RFTN1: variants seen among roughly 807,000 people sequenced by gnomAD.
The protein encoded by RFTN1 is raftlin.
In RFTN1, 26 loss-of-function variants were observed where a neutral mutation model predicts 46.5. That is an observed-to-expected ratio of 0.56 (90% CI 0.41 to 0.78). The LOEUF (loss-of-function observed/expected upper bound fraction) is 0.78. RFTN1 is among the 30% of genes least tolerant of loss of function. The probability of loss-of-function intolerance (pLI) is 0.00; values close to 1 mark genes in which losing one functional copy is unlikely to be tolerated. For missense variants in RFTN1, 693 were observed against 718.7 expected, an observed-to-expected ratio of 0.96 and a Z score of 0.41; for synonymous variants, 261 against 284.2, an observed-to-expected ratio of 0.92 and a Z score of 0.82.
Position 16,424,614 on chromosome 3 carries a change from A to G in RFTN1, c.332+9237T>C. On this transcript the variant is annotated intron_variant, in intron 3 of 9. Coordinates refer to ENST00000334133, the MANE Select transcript of RFTN1 (RefSeq NM_015150.2). The surrounding 1 kb of genome is among the most constrained non-coding windows in gnomAD (Gnocchi z 4.7). Reference sequence around the variant, plus strand: ...TAAGTTCCAACTCATGGTCGATGATAGGAAGTGAATGAAATGATGTATTCA... The same window carrying G: ...TAAGTTCCAACTCATGGTCGATGATGGGAAGTGAATGAAATGATGTATTCA... 6.6e-6 allele frequency among the ~76,000 whole-genome samples: 1 copy of G among 152,222 alleles called. No homozygotes were observed. Among genetic ancestry groups the G allele is most frequent in the Non-Finnish European group, 1.5e-5 (1 of 68,030 alleles).
chr3:16,446,731 C>T lies in RFTN1; in HGVS notation c.146-12694G>A, dbSNP rs192797662. ...ACTCCAAACAGCAGAAAATGGAAAA[C>T]AAGAGATTTCCCAAAAAGTGCGGTA... On this transcript the variant is annotated intron_variant, in intron 2 of 9. Coordinates refer to ENST00000334133, the MANE Select transcript of RFTN1 (RefSeq NM_015150.2). The surrounding 1 kb of genome is among the most constrained non-coding windows in gnomAD (Gnocchi z 4.5). Among the ~76,000 whole-genome samples, 1 of 152,226 alleles carries T rather than the reference C, an allele frequency of 6.6e-6. No homozygotes were observed. The highest frequency in any genetic ancestry group is 1.5e-5 in the Non-Finnish European group (1 of 68,012).
Position 16,400,849 on chromosome 3 carries a change from A to AT in RFTN1, c.441+8525dup, listed in dbSNP as rs2074583383. 6.6e-6 allele frequency among the ~76,000 whole-genome samples: 1 copy of AT among 151,846 alleles called. No individual in the cohort carries two copies. Among genetic ancestry groups the AT allele is most frequent in the African/African-American group, 2.4e-5 (1 of 41,326 alleles). On this transcript the variant is annotated intron_variant, in intron 4 of 9. Transcript: ENST00000334133. This position sits in a 1 kb window ranked among gnomAD's most constrained non-coding sequence, Gnocchi z 4.5. ...GCGGCCTCCAGGCAGTAGCTCCTGC[A>AT]TTTTTTCCTCCATTAGGAACATCTA...
At chr3:16,339,308 C>T (rs2071148591) in intron 7 of RFTN1, 1 of 152,264 alleles carries the variant, frequency 6.6e-6, no homozygotes, top group African/African-American at 2.4e-5. Flanking sequence ...TTATGCTCTG[C>T]TCTTATTTAA....
chr3:16,496,458 T>C (rs996684720), intron 1 of RFTN1, among the ~76,000 whole-genome samples: 5 of 152,018 alleles, frequency 3.3e-5, no homozygotes, highest in Non-Finnish European at 4.4e-5. Flanking sequence ...GATATGCAAA[T>C]GGCCAAGGAA....
intron 7 of RFTN1, among the ~76,000 whole-genome samples, chr3:16,343,945 G>C (rs1397673871): frequency 6.6e-6 from 1 of 152,140 alleles, no homozygotes; most frequent in South Asian, 2.1e-4. Flanking sequence ...TGGAAATGAC[G>C]AGCAACTGCC....
chr3:16,476,567 G>C (rs993298235), intron 2 of RFTN1, among the ~76,000 whole-genome samples: 1 of 152,200 alleles, frequency 6.6e-6, no homozygotes, highest in African/African-American at 2.4e-5. Context: ...TCTCTGAAAA[G>C]CTAGCATTTA....
chr3:16,392,927 A>C (rs995526481), intron 4 of RFTN1, among the ~76,000 whole-genome samples: 5 of 152,204 alleles, frequency 3.3e-5, no homozygotes, highest in Admixed American at 3.3e-4. Flanking sequence ...TCTTCATTGC[A>C]TCACTGTTCA....
intron 1 of RFTN1, among the ~76,000 whole-genome samples, chr3:16,510,311 C>CG (rs765385951): frequency 6.6e-6 from 1 of 152,188 alleles, no homozygotes; most frequent in Non-Finnish European, 1.5e-5. Context: ...AGAAATCCCC[C>CG]GGGAGTTTCT....
At position 16,413,495 on chromosome 3, in the gene RFTN1, T is replaced by C. The variant is rs537407700; in HGVS notation, c.333-4012A>G. Among the ~76,000 whole-genome samples, 11 of 152,344 alleles carry C rather than the reference T, an allele frequency of 7.2e-5. No homozygotes were observed. The highest frequency in any genetic ancestry group is 2.2e-4 in the African/African-American group (9 of 41,584). On this transcript the variant is annotated intron_variant, in intron 3 of 9. Transcript: ENST00000334133. This position sits in a 1 kb window ranked among gnomAD's most constrained non-coding sequence, Gnocchi z 4.7. ...CAGGTATGCTCCCCAAAGGGCCATG[T>C]CATTGTATCATCCTGGAAAAGAATA...
At chr3:16,367,683 C>T (rs1054223580) in intron 6 of RFTN1, among the ~76,000 whole-genome samples, 1 of 152,172 alleles carries the variant, frequency 6.6e-6, no homozygotes, top group Non-Finnish European at 1.5e-5. Context: ...TTCAAACACT[C>T]AAGTCAAATC....
Position 16,465,385 on chromosome 3 carries a change from A to G in RFTN1, c.145+28340T>C, listed in dbSNP as rs529002432. Among the ~76,000 whole-genome samples, 234 of 151,794 alleles carry G rather than the reference A, an allele frequency of 1.5e-3. 2 individuals are homozygous for G. Among genetic ancestry groups the G allele is most frequent in the African/African-American group, 5.4e-3 (225 of 41,338 alleles). On this transcript the variant is annotated intron_variant, in intron 2 of 9. Transcript: ENST00000334133. This position sits in a 1 kb window ranked among gnomAD's most constrained non-coding sequence, Gnocchi z 5.1. ...AAGGCAATTCTCTGAGCACAGGAAA[A>G]AAATATCCCCAACAGAGGTTGGCAG...
Position 16,473,902 on chromosome 3 carries a change from T to C in RFTN1, c.145+19823A>G, listed in dbSNP as rs2124954649. Reference sequence around the variant, plus strand: ...TGTGAACACTGACTTCTCTGACCAATGCCTGTGGTCCTGGTGACCTGGGCT... The same window carrying C: ...TGTGAACACTGACTTCTCTGACCAACGCCTGTGGTCCTGGTGACCTGGGCT... On this transcript the variant is annotated intron_variant, in intron 2 of 9. Transcript: ENST00000334133. This position sits in a 1 kb window ranked among gnomAD's most constrained non-coding sequence, Gnocchi z 5.3. Among the ~76,000 whole-genome samples, 1 of 152,334 alleles carries C rather than the reference T, an allele frequency of 6.6e-6. No homozygotes were observed. The highest frequency in any genetic ancestry group is 1.9e-4 in the East Asian group (1 of 5,188).
At position 16,345,814 on chromosome 3, in the gene RFTN1, G is replaced by T. The variant is rs1575075370; in HGVS notation, c.1146+12118C>A. The stretch of plus-strand genomic sequence containing the variant: ...TGTGTGTGTGTGTGTGTGTGTGTGT[G>T]TGTGCGCGCGCGCGTGCGCGCACGC... On this transcript the variant is annotated intron_variant, in intron 7 of 9. Transcript: ENST00000334133. This position sits in a 1 kb window ranked among gnomAD's most constrained non-coding sequence, Gnocchi z 5.2. 1.2e-5 allele frequency among the ~76,000 whole-genome samples: 1 copy of T among 86,126 alleles called. No individual in the cohort carries two copies. Among genetic ancestry groups the T allele is most frequent in the African/African-American group, 7.3e-5 (1 of 13,746 alleles). The allele number at this position is 86,126 out of a possible 152,430, so 56.5% of individuals were successfully genotyped here. A position where few individuals can be genotyped will look rare whatever the true frequency, so the allele number is the denominator to read the frequency against.
chr3:16,317,215 G>A lies in RFTN1; in HGVS notation c.1350C>T (p.Ser450=). The A allele has an allele frequency of 6.2e-7, 1 of 1,612,548 alleles. No individual in the cohort carries two copies. Among genetic ancestry groups the A allele is most frequent in the Non-Finnish European group, 8.5e-7 (1 of 1,179,938 alleles). The change falls in exon 10 of 10, where the codon TCC becomes TCT. Residue 450 remains serine (S), a synonymous_variant. Coordinates refer to ENST00000334133, the MANE Select transcript of RFTN1 (RefSeq NM_015150.2). This position sits in a 1 kb window ranked among gnomAD's most constrained non-coding sequence, Gnocchi z 4.3. The stretch of plus-strand genomic sequence containing the variant: ...TCTGCCTGTTGTGCATTTCTTCTCT[G>A]GAGAATCGCCACTGAAACTAGAAAT... ...KKESKFQWRF[S]REEMHNRQMR...
chr3:16,397,662 C>T (rs1251878034), intron 4 of RFTN1, among the ~76,000 whole-genome samples: 1 of 152,108 alleles, frequency 6.6e-6, no homozygotes, highest in Non-Finnish European at 1.5e-5. Flanking sequence ...CCGCCCACCC[C>T]ACTGACTACC....
In RFTN1 at chr3:16,358,080, G is replaced by T. The variant is rs748932532; in HGVS notation, c.1031-33C>A. On this transcript the variant is annotated intron_variant, in intron 6 of 9. Transcript: ENST00000334133. ...AAAAGAAAAAGGCGGGGGTGGGGGG[G>T]GTCTGTAAACCGTCTGTGGCAGAAG... 9.0e-6 allele frequency: 10 copies of T among 1,111,876 alleles called. 1 individual carries two copies. The highest frequency in any genetic ancestry group is 1.7e-5 in the Admixed American group (1 of 58,312). The allele number at this position is 1,111,876 out of a possible 1,614,324, so 68.9% of individuals were successfully genotyped here. A position where few individuals can be genotyped will look rare whatever the true frequency, so the allele number is the denominator to read the frequency against.
In RFTN1 at chr3:16,345,788, C is replaced by CTGTCTGTGTGTGTGTGTGTGTGTGTGTG. The variant is rs765619275; in HGVS notation, c.1146+12143_1146+12144insCACACACACACACACACACACACAGACA. On this transcript the variant is annotated intron_variant, in intron 7 of 9. Coordinates refer to ENST00000334133, the MANE Select transcript of RFTN1 (RefSeq NM_015150.2). This position sits in a 1 kb window ranked among gnomAD's most constrained non-coding sequence, Gnocchi z 5.2. ...TGAGCCAAAACCTTATAATAAATCTCTGTGTGTGTGTGTGTGTGTGTGTGT... is the reference window on the plus strand; with the variant it reads ...TGAGCCAAAACCTTATAATAAATCTCTGTCTGTGTGTGTGTGTGTGTGTGTGTGTGTGTGTGTGTGTGTGTGTGTGTGT... Among the ~76,000 whole-genome samples, 1 of 127,174 alleles carries CTGTCTGTGTGTGTGTGTGTGTGTGTGTG rather than the reference C, an allele frequency of 7.9e-6. No individual in the cohort carries two copies. Among genetic ancestry groups the CTGTCTGTGTGTGTGTGTGTGTGTGTGTG allele is most frequent in the Non-Finnish European group, 1.7e-5 (1 of 58,644 alleles). The allele number at this position is 127,174 out of a possible 152,430, so 83.4% of individuals were successfully genotyped here.
intron 4 of RFTN1, among the ~76,000 whole-genome samples, chr3:16,403,052 A>G (rs1383538005): frequency 2.0e-5 from 3 of 152,202 alleles, no homozygotes; most frequent in African/African-American, 7.2e-5. Context: ...GGCAATTTCC[A>G]TCAGCAGAAC....
rs1264729682 is a variant in RFTN1 at position 16,422,916 on chromosome 3, C to T, written c.332+10935G>A. 2.0e-5 allele frequency among the ~76,000 whole-genome samples: 3 copies of T among 152,060 alleles called. No individual in the cohort carries two copies. The highest frequency in any genetic ancestry group is 2.9e-5 in the Non-Finnish European group (2 of 68,012). Reference sequence around the variant, plus strand: ...GTGCAGTGGCTCACGCCTGTAATCCCAGCACTTTGGGAGGCCGAAGTGGGT... The same window carrying T: ...GTGCAGTGGCTCACGCCTGTAATCCTAGCACTTTGGGAGGCCGAAGTGGGT... On this transcript the variant is annotated intron_variant, in intron 3 of 9. Transcript: ENST00000334133. This position sits in a 1 kb window ranked among gnomAD's most constrained non-coding sequence, Gnocchi z 4.6.
Sources: allele counts gnomAD v4.1 joint callset (sites outside exome capture counted in the v4.1 genomes callset), GRCh38; gene constraint gnomAD v4.1.1; non-coding constraint Gnocchi (gnomAD v3.1); transcripts MANE v1.5; gene names NCBI Gene and HGNC (gene_info 2026-07-23, HGNC 2026-07-21).